Variants in CASD1 observed in about 807,000 individuals in gnomAD.
CASD1 encodes CAS1 domain sialic acid O acetyltransferase 1.
In CASD1, 41 loss-of-function variants were observed where a neutral mutation model predicts 100.0. The observed-to-expected ratio is 0.41, with a 90% CI of 0.32 to 0.53. CASD1 has a LOEUF of 0.53. Among genes scored for constraint, CASD1 ranks in the 20% least tolerant of loss-of-function variants. CASD1 has a pLI of 0.25. For missense variants in CASD1, 774 were observed against 948.7 expected (o/e 0.82, Z 2.42); for synonymous variants, 321 against 315.6 (o/e 1.02, Z -0.18).
chr7:94,605,531 A>G, the CASD1 span, among the ~76,000 whole-genome samples: 2 of 151,996 alleles, frequency 1.3e-5, no homozygotes, highest in African/African-American at 4.8e-5. Context: ...TACAAGAGAG[A>G]TGAGGGAAAG....
At chr7:94,616,117 C>T in the CASD1 span, among the ~76,000 whole-genome samples, 47 of 152,224 alleles carry the variant, frequency 3.1e-4, no homozygotes, top group East Asian at 8.9e-3. Context: ...AAAAAAAATG[C>T]TCATCAAGAA....
At position 94,532,777 on chromosome 7, in the gene CASD1, A is replaced by G. The variant is rs568233756; in HGVS notation, c.460-428A>G. On this transcript the variant is annotated intron_variant, in intron 5 of 17. Coordinates refer to ENST00000297273, the MANE Select transcript of CASD1 (RefSeq NM_022900.5). ...TATGCATTGGATTTCACTTTCCCAG[A>G]AGATTGTTTTGGCACTGACCTTGTA... 9.2e-5 allele frequency among the ~76,000 whole-genome samples: 14 copies of G among 152,290 alleles called. No homozygotes were observed. In the South Asian group the frequency reaches 2.9e-3, roughly 32 times the overall value.
intron 5 of CASD1, among the ~76,000 whole-genome samples, chr7:94,532,090 C>T (rs1794877828): frequency 6.6e-6 from 1 of 152,048 alleles, no homozygotes; most frequent in South Asian, 2.1e-4. Context: ...CTGTAATATA[C>T]TATTGCTATA....
chr7:94,583,519 G>C, the CASD1 span, among the ~76,000 whole-genome samples: 1 of 152,124 alleles, frequency 6.6e-6, no homozygotes, highest in Non-Finnish European at 1.5e-5. Flanking sequence ...TGGAACCTGG[G>C]AAATCTTGTA....
chr7:94,528,647 T>G (rs968329601), intron 5 of CASD1, among the ~76,000 whole-genome samples: 1 of 152,180 alleles, frequency 6.6e-6, no homozygotes, highest in African/African-American at 2.4e-5. Context: ...TTTGTTTTTA[T>G]AGCCTTTTTT....
At chr7:94,585,327 A>G in the CASD1 span, 226 of 552,344 alleles carry the variant, frequency 4.1e-4, no homozygotes, top group Non-Finnish European at 6.6e-4. Flanking sequence ...AAGTACAAAA[A>G]AATACATTAG....
At chr7:94,628,381 A>G in the CASD1 span, 2 of 1,564,016 alleles carry the variant, frequency 1.3e-6, no homozygotes, top group East Asian at 2.2e-5. Context: ...ACAGAGAATT[A>G]AGACATAAGA....
intron 7 of CASD1, among the ~76,000 whole-genome samples, chr7:94,534,269 C>T (rs918916260): frequency 2.7e-5 from 4 of 149,190 alleles, no homozygotes; most frequent in Non-Finnish European, 4.4e-5. Flanking sequence ...CAGGCTCAAG[C>T]GATCCTTCCG....
At chr7:94,580,860 T>C in the CASD1 span, among the ~76,000 whole-genome samples, 531 of 152,322 alleles carry the variant, frequency 3.5e-3, 4 homozygotes, top group African/African-American at 0.012. Context: ...CAGTTTGAAT[T>C]AACAGGGAGT....
At chr7:94,521,307 T>C (rs764855949) in intron 3 of CASD1, among the ~76,000 whole-genome samples, 3 of 152,134 alleles carry the variant, frequency 2.0e-5, no homozygotes, top group Non-Finnish European at 4.4e-5. Flanking sequence ...AGAAAAAAAT[T>C]ATCTGAAATG....
chr7:94,519,179 G>A (rs1794125730), intron 3 of CASD1, among the ~76,000 whole-genome samples: 1 of 151,968 alleles, frequency 6.6e-6, no homozygotes, highest in South Asian at 2.1e-4. Flanking sequence ...AAACTAACAA[G>A]GATTAATTTC....
intron 10 of CASD1, among the ~76,000 whole-genome samples, chr7:94,542,353 T>C (rs1413715001): frequency 6.6e-6 from 1 of 152,224 alleles, no homozygotes; most frequent in Non-Finnish European, 1.5e-5. Flanking sequence ...AGATGTGCTG[T>C]AAGTGTGAAA....
the CASD1 span, chr7:94,629,043 T>A: frequency 6.6e-6 from 1 of 152,244 alleles, no homozygotes; most frequent in Non-Finnish European, 1.5e-5. Context: ...AATAGTTATA[T>A]CAATTCTAAT....
At chr7:94,529,686 C>T (rs890515092) in intron 5 of CASD1, among the ~76,000 whole-genome samples, 3 of 152,028 alleles carry the variant, frequency 2.0e-5, no homozygotes, top group African/African-American at 7.3e-5. Context: ...CCAGTCTCAG[C>T]CCTCAAGGAA....
At chr7:94,527,343 G>T (rs1323250408) in intron 4 of CASD1, 137 bp downstream of exon 4, 2 of 638,158 alleles carry the variant, frequency 3.1e-6, no homozygotes, top group East Asian at 5.6e-5. Flanking sequence ...AAGTTTGTGT[G>T]AGTTATTTTA....
intron 12 of CASD1, 23 bp downstream of exon 12, chr7:94,545,724 G>A: frequency 6.8e-7 from 1 of 1,464,686 alleles, no homozygotes; most frequent in Non-Finnish European, 9.3e-7. Flanking sequence ...TCTTACTAAT[G>A]TTAGTAAATA....
At chr7:94,585,832 A>G in the CASD1 span, among the ~76,000 whole-genome samples, 1 of 152,106 alleles carries the variant, frequency 6.6e-6, no homozygotes, top group East Asian at 1.9e-4. Context: ...GTACCTTTTA[A>G]TCGTGGCTTT....
the CASD1 span, among the ~76,000 whole-genome samples, chr7:94,611,535 T>G: frequency 2.6e-5 from 4 of 151,944 alleles, no homozygotes; most frequent in Non-Finnish European, 5.9e-5. Flanking sequence ...GGGTGTGTGG[T>G]GTTGGGATAA....
the CASD1 span, among the ~76,000 whole-genome samples, chr7:94,616,631 ATTAG>A: frequency 1.3e-5 from 2 of 152,192 alleles, no homozygotes; most frequent in East Asian, 3.9e-4. Context: ...GAAATAAAGT[ATTAG>A]TTAAGCATTG....
Sources: gnomAD v4.1 joint callset for allele counts (sites outside exome capture counted in the v4.1 genomes callset) on GRCh38, gnomAD v4.1.1 for gene constraint, MANE v1.5 for transcripts, NCBI Gene and HGNC (gene_info 2026-07-23, HGNC 2026-07-21) for gene names.